Variants in PML observed in about 807,000 individuals in gnomAD.
PML encodes the protein PML nuclear body scaffold.
A neutral mutation model predicts 65.2 loss-of-function variants in PML; 28 were observed. The ratio of observed to expected loss-of-function variants is 0.43; its 90% CI spans 0.32 to 0.59. The LOEUF (loss-of-function observed/expected upper bound fraction) is 0.59, where lower values mean the gene tolerates loss of function less well. Among genes scored for constraint, PML ranks in the 20% least tolerant of loss-of-function variants. The pLI is 0.08. For missense variants in PML, 1,021 were observed against 1,203.4 expected (o/e 0.85, Z 2.24); for synonymous variants, 500 against 508.8 (o/e 0.98, Z 0.23).
At chr15:74,002,444 C>CTTTTTTTTTTTTTTT (rs71137368) in intron 2 of PML, among the ~76,000 whole-genome samples, 103 of 104,730 alleles carry the variant, frequency 9.8e-4, no homozygotes, top group Middle Eastern at 6.3e-3. Context: ...TCTTTCTTTT[C>CTTTTTTTTTTTTTTT]TTTTTTTTTT....
intron 4 of PML, 90 bp downstream of exon 4, chr15:74,025,017 G>C: frequency 5.8e-6 from 5 of 856,324 alleles, no homozygotes; most frequent in Non-Finnish European, 1.0e-5. Context: ...TGTGCAGGGA[G>C]AGCGTCTGAG....
chr15:73,995,938 G>A (rs2069474990), intron 1 of PML, among the ~76,000 whole-genome samples: 2 of 152,090 alleles, frequency 1.3e-5, no homozygotes, highest in South Asian at 2.1e-4. Flanking sequence ...ATTTTTAGTA[G>A]AGATGGGGTT....
In PML at chr15:74,035,014, C is replaced by T. The variant is rs780535513; in HGVS notation, c.1710+484C>T. 30 of 1,525,806 alleles carry T rather than the reference C, an allele frequency of 2.0e-5. No individual in the cohort carries two copies. Among genetic ancestry groups the T allele is most frequent in the Non-Finnish European group, 2.2e-5 (25 of 1,132,070 alleles). 94.5% of individuals were successfully genotyped at this position (1,525,806 alleles called of 1,614,324 possible). A position where few individuals can be genotyped will look rare whatever the true frequency, so the allele number is the denominator to read the frequency against. ...ATCCATTCCACAGTGAAACAGGTGG[C>T]CTCGTGGGTAGTGACCCTTCTGTCC... On this transcript the variant is annotated intron_variant, in intron 7 of 8. Coordinates refer to ENST00000268058, the MANE Select transcript of PML (RefSeq NM_033238.3). The surrounding 1 kb of genome is among the most constrained non-coding windows in gnomAD (Gnocchi z 4.1).
intron 2 of PML, among the ~76,000 whole-genome samples, chr15:73,998,986 C>T (rs941296940): frequency 2.0e-5 from 3 of 152,162 alleles, no homozygotes; most frequent in African/African-American, 7.2e-5. Flanking sequence ...AAATCACATC[C>T]AGTTGTAATT....
chr15:74,037,867 C>T lies in PML; in HGVS notation c.1710+3337C>T. ...CCACGCCCCTGACTTCAGTTACTGC[C>T]CAGGGGTAGCTGATACCCAACACTC... On this transcript the variant is annotated intron_variant, in intron 7 of 8. Transcript: ENST00000268058. The surrounding 1 kb of genome is among the most constrained non-coding windows in gnomAD (Gnocchi z 4.2). 1 of 264,306 alleles carries T rather than the reference C, an allele frequency of 3.8e-6. No individual in the cohort carries two copies. The highest frequency in any genetic ancestry group is 5.9e-6 in the Non-Finnish European group (1 of 170,754). 16.4% of individuals were successfully genotyped at this position (264,306 alleles called of 1,614,324 possible).
chr15:74,035,191 C>CCGCCGAGCCACAGTCCT lies in PML; in HGVS notation c.1710+666_1710+682dup. 7.2e-7 allele frequency: 1 copy of CCGCCGAGCCACAGTCCT among 1,389,814 alleles called. No homozygotes were observed. The highest frequency in any genetic ancestry group is 1.0e-6 in the Non-Finnish European group (1 of 975,998). The allele number at this position is 1,389,814 out of a possible 1,614,324, so 86.1% of individuals were successfully genotyped here. A position where few individuals can be genotyped will look rare whatever the true frequency, so the allele number is the denominator to read the frequency against. On this transcript the variant is annotated intron_variant, in intron 7 of 8. Coordinates refer to ENST00000268058, the MANE Select transcript of PML (RefSeq NM_033238.3). This position sits in a 1 kb window ranked among gnomAD's most constrained non-coding sequence, Gnocchi z 4.1. The stretch of plus-strand genomic sequence containing the variant: ...GGAAAGTGCATGGAGCCCATGGAGA[C>CCGCCGAGCCACAGTCCT]CGCCGAGCCACAGTCCTCGCCAGCC...
Position 74,042,323 on chromosome 15 carries a change from A to G in PML, c.1711-666A>G, listed in dbSNP as rs2071713470. The G allele has an allele frequency of 1.8e-5, 18 of 981,700 alleles. No homozygotes were observed. Among genetic ancestry groups the G allele is most frequent in the Non-Finnish European group, 2.1e-5 (17 of 826,614 alleles). The allele number at this position is 981,700 out of a possible 1,614,324, so 60.8% of individuals were successfully genotyped here. The stretch of plus-strand genomic sequence containing the variant: ...CTGCCAAGGACCTGGGTGTCCACCT[A>G]GATGTGGCCTTCAGGAGGCCAAGCA... On this transcript the variant is annotated intron_variant, in intron 7 of 8. Coordinates refer to ENST00000268058, the MANE Select transcript of PML (RefSeq NM_033238.3). This position sits in a 1 kb window ranked among gnomAD's most constrained non-coding sequence, Gnocchi z 5.3.
At chr15:74,012,573 G>A (rs2070383717) in intron 2 of PML, among the ~76,000 whole-genome samples, 1 of 152,228 alleles carries the variant, frequency 6.6e-6, no homozygotes, top group Admixed American at 6.5e-5. Flanking sequence ...GCCTCCCAAA[G>A]TGCTTGGATT....
chr15:73,994,803 G>T lies in PML; in HGVS notation c.-10G>T. The T allele has an allele frequency of 6.4e-7, 1 of 1,552,458 alleles. No individual in the cohort carries two copies. Among genetic ancestry groups the T allele is most frequent in the Non-Finnish European group, 8.7e-7 (1 of 1,147,772 alleles). ...GATCTAAACCGAGAATCGAAACTAA[G>T]CTGGGGTCCATGGAGCCTGCACCCG... On this transcript the variant is annotated 5_prime_UTR_variant, in exon 1 of 9. Transcript: ENST00000268058.
At chr15:74,021,105 A>G (rs2070813768) in intron 2 of PML, among the ~76,000 whole-genome samples, 1 of 152,134 alleles carries the variant, frequency 6.6e-6, no homozygotes, top group South Asian at 2.1e-4. Context: ...AGACTCTACC[A>G]CTTACTAATC....
chr15:74,033,043 G>A, intron 5 of PML, 113 bp from the exon 6 acceptor site: 2 of 1,123,828 alleles, frequency 1.8e-6, no homozygotes, highest in Non-Finnish European at 2.7e-6. Context: ...GAGAGCAGAG[G>A]AGAGGGGACA....
chr15:74,018,044 C>T (rs570427429), intron 2 of PML, among the ~76,000 whole-genome samples: 17 of 152,132 alleles, frequency 1.1e-4, no homozygotes, highest in Admixed American at 1.1e-3. Flanking sequence ...CCTAGCCAGG[C>T]GTGGTGGCTC....
At chr15:73,997,507 T>C (rs1470016461) in intron 1 of PML, among the ~76,000 whole-genome samples, 1 of 152,248 alleles carries the variant, frequency 6.6e-6, no homozygotes, top group Non-Finnish European at 1.5e-5. Context: ...GATACTTGGA[T>C]TGTTTCTACA....
rs1268652956 is a variant in PML, at chr15:73,998,202, G to A, written c.328G>A (p.Glu110Lys). 6.2e-7 allele frequency: 1 copy of A among 1,614,092 alleles called. No homozygotes were observed. Among genetic ancestry groups the A allele is most frequent in the African/African-American group, 1.3e-5 (1 of 74,942 alleles). The change falls in exon 2 of 9, where the codon GAG becomes AAG. Residue 110 changes from glutamate to lysine, a missense_variant. Physicochemically the swap from Glu to Lys is moderately conservative, Grantham distance 56. Coordinates refer to ENST00000268058, the MANE Select transcript of PML (RefSeq NM_033238.3). ...DTPALDNVFF[E>K]SLQRRLSVYR... is the part of the protein sequence containing the mutation. ...ACCCGCCCTGGATAACGTCTTTTTC[G>A]AGAGTCTGCAGCGGCGCCTGTCGGT... is the stretch of plus-strand genomic sequence containing the variant.
At chr15:74,005,508 C>T (rs2070000146) in intron 2 of PML, among the ~76,000 whole-genome samples, 1 of 151,606 alleles carries the variant, frequency 6.6e-6, no homozygotes, top group East Asian at 1.9e-4. Context: ...TTTTCTAACT[C>T]GCCAGCTCAT....
intron 2 of PML, among the ~76,000 whole-genome samples, chr15:74,000,372 C>T (rs1374840518): frequency 2.0e-5 from 3 of 152,196 alleles, no homozygotes; most frequent in African/African-American, 4.8e-5. Flanking sequence ...GTGCTGCACT[C>T]GTGGCTCACT....
Position 74,044,764 on chromosome 15 carries a change from A to G in PML, c.2405A>G (p.Asn802Ser). The change falls in exon 9 of 9, where the codon AAC becomes AGC. Residue 802 changes from asparagine (N) to serine (S), a missense_variant. Coordinates refer to ENST00000268058, the MANE Select transcript of PML (RefSeq NM_033238.3). ...RAEARLLALH[N>S]VSFMELLSAH... ...GAGGCCCGCCTCCTGGCCCTACACA[A>G]CGTGAGCTTCATGGAGCTGCTGAGT... 6.2e-7 allele frequency: 1 copy of G among 1,612,834 alleles called. No homozygotes were observed. The highest frequency in any genetic ancestry group is 8.5e-7 in the Non-Finnish European group (1 of 1,179,990).
chr15:74,045,043 G>C lies in PML; in HGVS notation c.*35G>C. The C allele has an allele frequency of 6.5e-7, 1 of 1,545,588 alleles. No homozygotes were observed. On this transcript the variant is annotated 3_prime_UTR_variant, in exon 9 of 9. Coordinates refer to ENST00000268058, the MANE Select transcript of PML (RefSeq NM_033238.3). ...GTGACCAGCTTGGAGTCTCTGGTGG[G>C]CAGAGAGGGATGGGGTCCCTGAGCC... is the stretch of plus-strand genomic sequence containing the variant.
intron 2 of PML, 90 bp from the exon 3 acceptor site, chr15:74,022,737 TG>T: frequency 9.9e-7 from 1 of 1,009,570 alleles, no homozygotes; most frequent in African/African-American, 1.6e-5. Context: ...ATTCAAAGTC[TG>T]GTATTTTTGG....
Sources: gnomAD v4.1 joint callset for allele counts (sites outside exome capture counted in the v4.1 genomes callset) on GRCh38, gnomAD v4.1.1 for gene constraint, Gnocchi (gnomAD v3.1) non-coding constraint, MANE v1.5 for transcripts, NCBI Gene and HGNC (gene_info 2026-07-23, HGNC 2026-07-21) for gene names.